AMOTL1: variants seen among roughly 807,000 people sequenced by gnomAD.
AMOTL1 encodes angiomotin like 1, also known as angiomotin-like protein 1.
AMOTL1 carries 45 observed loss-of-function variants against 102.9 expected under a neutral mutation model. The observed-to-expected ratio is 0.44, with a 90% CI of 0.34 to 0.56. The LOEUF (loss-of-function observed/expected upper bound fraction) is 0.56. Among genes scored for constraint, AMOTL1 ranks in the 20% least tolerant of loss-of-function variants. The probability of loss-of-function intolerance (pLI) is 0.01; values close to 1 mark genes in which losing one functional copy is unlikely to be tolerated. For synonymous variants in AMOTL1, 481 were observed against 484.7 expected, an observed-to-expected ratio of 0.99 and a Z score of 0.10; for missense variants, 1,114 against 1,225.6, an observed-to-expected ratio of 0.91 and a Z score of 1.36.
chr11:94,861,556 G>A (rs532756224), intron 9 of AMOTL1, among the ~76,000 whole-genome samples: 39 of 152,288 alleles, frequency 2.6e-4, no homozygotes, highest in African/African-American at 8.7e-4. Context: ...GGACACCTGC[G>A]CTCAGGGCTT....
chr11:94,773,263 A>G (rs1425003192), intron 1 of AMOTL1, among the ~76,000 whole-genome samples: 2 of 152,198 alleles, frequency 1.3e-5, no homozygotes, highest in African/African-American at 4.8e-5. Flanking sequence ...AGGATGGTGC[A>G]TTTAGTGTCA....
chr11:94,738,229 G>A (rs917185655), intron 2 of AMOTL1, among the ~76,000 whole-genome samples: 3 of 150,230 alleles, frequency 2.0e-5, no homozygotes, highest in Admixed American at 6.7e-5. Flanking sequence ...GACATGAATC[G>A]AAAATAAGAC....
intron 1 of AMOTL1, among the ~76,000 whole-genome samples, chr11:94,715,359 T>A (rs1248166301): frequency 6.6e-6 from 1 of 152,128 alleles, no homozygotes; most frequent in African/African-American, 2.4e-5. Context: ...TTTGTAGAAC[T>A]GGGGTCTTGC....
At chr11:94,865,797 G>C in intron 10 of AMOTL1, 145 bp from the exon 11 acceptor site, 3 of 700,666 alleles carry the variant, frequency 4.3e-6, no homozygotes, top group Non-Finnish European at 7.2e-6. Flanking sequence ...ACAATTTGGA[G>C]ATTATCAACA....
chr11:94,758,373 G>T (rs1023454847), intron 3 of AMOTL1, among the ~76,000 whole-genome samples: 2 of 152,164 alleles, frequency 1.3e-5, no homozygotes, highest in African/African-American at 4.8e-5. Context: ...CTACATGATT[G>T]AATGCGTAAT....
chr11:94,741,221 C>A (rs1012157734), intron 3 of AMOTL1, among the ~76,000 whole-genome samples: 1 of 150,274 alleles, frequency 6.7e-6, no homozygotes, highest in African/African-American at 2.4e-5. Flanking sequence ...TGTGTGTGTG[C>A]GTGCGTGTGC....
intron 1 of AMOTL1, chr11:94,728,864 C>A: frequency 1.3e-6 from 1 of 789,898 alleles, no homozygotes; most frequent in Non-Finnish European, 1.8e-6. Flanking sequence ...CTTCTCTTCA[C>A]AAAGAGAACA....
intron 7 of AMOTL1, among the ~76,000 whole-genome samples, chr11:94,853,494 G>A (rs960045516): frequency 5.9e-5 from 9 of 152,102 alleles, no homozygotes; most frequent in Non-Finnish European, 1.3e-4. Flanking sequence ...CCTTTTTATG[G>A]CTGCATAGTA....
At chr11:94,709,777 A>G (rs1322254620) in intron 1 of AMOTL1, among the ~76,000 whole-genome samples, 2 of 152,184 alleles carry the variant, frequency 1.3e-5, no homozygotes, top group African/African-American at 2.4e-5. Context: ...AACAATGTAT[A>G]TTAACTAAGT....
At chr11:94,769,616 CG>C (rs1950915905) in intron 1 of AMOTL1, among the ~76,000 whole-genome samples, 1 of 152,144 alleles carries the variant, frequency 6.6e-6, no homozygotes, top group African/African-American at 2.4e-5. Flanking sequence ...TTTTTGGCTT[CG>C]GTGTTGGTTT....
intron 1 of AMOTL1, among the ~76,000 whole-genome samples, chr11:94,775,552 G>T (rs1053105083): frequency 2.0e-5 from 3 of 151,814 alleles, no homozygotes; most frequent in Non-Finnish European, 4.4e-5. Flanking sequence ...TAAAGTTCTA[G>T]ACCTATGCTG....
At chr11:94,868,345 C>G (rs1297474750) in intron 11 of AMOTL1, among the ~76,000 whole-genome samples, 2 of 152,172 alleles carry the variant, frequency 1.3e-5, no homozygotes, top group African/African-American at 4.8e-5. Flanking sequence ...CTGGCACTTT[C>G]CCGCGTGTGT....
In AMOTL1 at chr11:94,711,755, G is replaced by A. The variant is rs149062731; in HGVS notation, c.-51+5158G>A. On this transcript the variant is annotated intron_variant, in intron 1 of 4. Transcript: ENST00000299004. ...TTGAGATCTATCCAGGTTGTTATGC[G>A]TATCAATAGTTGGTTCCTTTTTGTT... Among the ~76,000 whole-genome samples, 6 of 152,098 alleles carry A rather than the reference G, an allele frequency of 3.9e-5. No homozygotes were observed. In the East Asian group the frequency reaches 5.8e-4, roughly 15 times the overall value.
chr11:94,727,486 T>C (rs1041838589), intron 1 of AMOTL1, among the ~76,000 whole-genome samples: 2 of 152,142 alleles, frequency 1.3e-5, no homozygotes, highest in East Asian at 1.9e-4. Flanking sequence ...GATGTCTCAG[T>C]TGGCTAACGG....
Position 94,737,869 on chromosome 11 carries a change from G to C in AMOTL1, c.86-3069G>C, listed in dbSNP as rs187486248. 2.0e-5 allele frequency among the ~76,000 whole-genome samples: 3 copies of C among 152,330 alleles called. No individual in the cohort carries two copies. The East Asian group carries it at 5.8e-4, about 29-fold the overall frequency. ...AAACCTATTTAGGCTGCTTGTAAGA[G>C]CAAAATGGAGAATGGGTGCTATCAG... On this transcript the variant is annotated intron_variant, in intron 2 of 4. Coordinates refer to the AMOTL1 transcript ENST00000299004.
At chr11:94,818,578 T>C (rs571597793) in intron 3 of AMOTL1, among the ~76,000 whole-genome samples, 1 of 152,320 alleles carries the variant, frequency 6.6e-6, no homozygotes, top group East Asian at 1.9e-4. Flanking sequence ...TGTCTTGTGA[T>C]TTGTCTTTAG....
intron 1 of AMOTL1, among the ~76,000 whole-genome samples, chr11:94,714,888 A>T (rs1337708905): frequency 6.6e-6 from 1 of 151,284 alleles, no homozygotes; most frequent in Admixed American, 6.6e-5. Context: ...CATTATCTTA[A>T]TTTTTTTCCT....
chr11:94,792,656 C>T (rs1434839286), intron 1 of AMOTL1, among the ~76,000 whole-genome samples: 1 of 152,170 alleles, frequency 6.6e-6, no homozygotes, highest in East Asian at 1.9e-4. Flanking sequence ...GGGAGTGTAA[C>T]TCAGTGGACG....
intron 4 of AMOTL1, among the ~76,000 whole-genome samples, chr11:94,824,348 CCTG>C (rs1214579330): frequency 7.2e-5 from 11 of 152,156 alleles, no homozygotes; most frequent in Non-Finnish European, 1.2e-4. Context: ...TATTTGGGGG[CCTG>C]CTATGTGTCA....
Sources: allele counts gnomAD v4.1 joint callset (sites outside exome capture counted in the v4.1 genomes callset), GRCh38; gene constraint gnomAD v4.1.1; transcripts MANE v1.5; gene names NCBI Gene and HGNC (gene_info 2026-07-23, HGNC 2026-07-21).